NBPF15: variants seen among roughly 807,000 people sequenced by gnomAD.
NBPF15 encodes NBPF family member NBPF15.
In NBPF15, 74 loss-of-function variants were observed where a neutral mutation model predicts 62.2. The ratio of observed to expected loss-of-function variants is 1.19; its 90% confidence interval spans 0.99 to 1.44. The LOEUF (loss-of-function observed/expected upper bound fraction) is 1.44. Ranked by LOEUF, NBPF15 falls within the 40% of genes most tolerant of loss-of-function variation. The probability of loss-of-function intolerance (pLI) is 0.00; values close to 1 mark genes in which losing one functional copy is unlikely to be tolerated. For synonymous variants in NBPF15, 244 were observed against 209.7 expected, an observed-to-expected ratio of 1.16 and a Z score of -1.41; for missense variants, 790 against 550.0, an observed-to-expected ratio of 1.44 and a Z score of -4.36.
At chr1:144,451,357 G>A (rs1691005086) in intron 4 of NBPF15, among the ~76,000 whole-genome samples, 2 of 151,498 alleles carry the variant, frequency 1.3e-5, no homozygotes, top group Admixed American at 6.6e-5. Context: ...ATTGCCCAGG[G>A]ATGAGCAGGA....
chr1:144,452,286 A>C (rs9286337), intron 4 of NBPF15, among the ~76,000 whole-genome samples: 14,263 of 151,582 alleles, frequency 0.094, 1,848 homozygotes, highest in African/African-American at 0.29. Flanking sequence ...GGTTTGGTAA[A>C]AAATACCAGT....
At chr1:144,439,202 T>G (rs1192789666) in intron 8 of NBPF15, among the ~76,000 whole-genome samples, 1 of 132,186 alleles carries the variant, frequency 7.6e-6, no homozygotes, top group East Asian at 2.1e-4. Context: ...CAGGCTGGTC[T>G]CAAACTCCTG....
intron 3 of NBPF15, among the ~76,000 whole-genome samples, chr1:144,458,217 GTAAT>G (rs1649650471): frequency 6.6e-6 from 1 of 151,958 alleles, no homozygotes; most frequent in Admixed American, 6.6e-5. Context: ...AGTTTTCCTG[GTAAT>G]TAAGTATACC....
At position 144,459,684 on chromosome 1, in the gene NBPF15, C is replaced by T. The variant is rs587689890; in HGVS notation, c.-818-201G>A. Among the ~76,000 whole-genome samples, 29 of 151,802 alleles carry T rather than the reference C, an allele frequency of 1.9e-4. No homozygotes were observed. The East Asian group carries it at 5.2e-3, about 27-fold the overall frequency. On this transcript the variant is annotated intron_variant, in intron 2 of 21. Transcript: ENST00000581897. ...ATGAAAACTGGATAAAAAGATTTAA[C>T]AGGCACTTCACAAAAGAGGACACAC...
At chr1:144,431,387 C>A (rs1362959031) in intron 13 of NBPF15, among the ~76,000 whole-genome samples, 1 of 150,228 alleles carries the variant, frequency 6.7e-6, no homozygotes, top group Non-Finnish European at 1.5e-5. Flanking sequence ...TGGCACAAAC[C>A]CTACAAGCCA....
intron 6 of NBPF15, among the ~76,000 whole-genome samples, chr1:144,445,335 A>ATG (rs1352313391): frequency 2.8e-5 from 3 of 106,122 alleles, no homozygotes; most frequent in Admixed American, 9.0e-5. Context: ...AACGGTGAAT[A>ATG]TATATATATA....
chr1:144,433,337 C>A (rs1457544699), intron 13 of NBPF15, among the ~76,000 whole-genome samples: 1 of 151,964 alleles, frequency 6.6e-6, no homozygotes, highest in African/African-American at 2.4e-5. Flanking sequence ...TAAATGCCCA[C>A]AAGAGAAAGC....
At chr1:144,437,551 G>A (rs1228583193) in intron 9 of NBPF15, among the ~76,000 whole-genome samples, 341 of 150,860 alleles carry the variant, frequency 2.3e-3, no homozygotes, top group Non-Finnish European at 4.1e-3. Context: ...GGGTCGAGAA[G>A]GCAACATTGA....
intron 17 of NBPF15, among the ~76,000 whole-genome samples, 156 bp from the exon 18 acceptor site, chr1:144,426,606 C>G (rs1217720004): frequency 4.7e-5 from 7 of 150,314 alleles, no homozygotes; most frequent in South Asian, 4.2e-4. Flanking sequence ...TTGGGATAGA[C>G]CAGGGCCAGG....
intron 13 of NBPF15, among the ~76,000 whole-genome samples, chr1:144,432,456 C>G (rs1328061612): frequency 3.9e-5 from 6 of 152,064 alleles, no homozygotes; most frequent in African/African-American, 1.4e-4. Context: ...TCACACATAA[C>G]AATATTAACC....
intron 14 of NBPF15, among the ~76,000 whole-genome samples, chr1:144,429,017 TG>T (rs1254206171): frequency 2.0e-5 from 3 of 152,018 alleles, no homozygotes; most frequent in East Asian, 3.9e-4. Flanking sequence ...ACCCAGAATT[TG>T]ATAGTTTATG....
At chr1:144,457,918 T>A (rs1208460770) in intron 3 of NBPF15, among the ~76,000 whole-genome samples, 1 of 151,856 alleles carries the variant, frequency 6.6e-6, no homozygotes, top group Non-Finnish European at 1.5e-5. Context: ...AGGAAAACCC[T>A]GTCTACAAAA....
intron 6 of NBPF15, among the ~76,000 whole-genome samples, chr1:144,445,350 T>TAC (rs1388687484): frequency 3.5e-5 from 4 of 115,684 alleles, no homozygotes; most frequent in Admixed American, 8.1e-5. Flanking sequence ...TATATATATA[T>TAC]ATATACACAC....
intron 4 of NBPF15, among the ~76,000 whole-genome samples, chr1:144,451,158 G>T (rs1553545396): frequency 6.6e-6 from 1 of 151,576 alleles, no homozygotes; most frequent in Non-Finnish European, 1.5e-5. Context: ...GTAAACACGT[G>T]AACAAATGTC....
intron 4 of NBPF15, among the ~76,000 whole-genome samples, chr1:144,451,744 A>G: frequency 6.6e-6 from 1 of 151,510 alleles, no homozygotes; most frequent in Middle Eastern, 3.4e-3. Context: ...GGGTAGGGTT[A>G]CAGATTAACA....
intron 4 of NBPF15, among the ~76,000 whole-genome samples, chr1:144,455,876 T>C (rs1192021468): frequency 3.3e-5 from 5 of 151,962 alleles, no homozygotes; most frequent in African/African-American, 7.3e-5. Flanking sequence ...AGTCACCCCA[T>C]GAATGCTCAG....
intron 17 of NBPF15, 73 bp from the exon 18 acceptor site, chr1:144,426,523 G>T: frequency 3.9e-6 from 3 of 770,370 alleles, no homozygotes; most frequent in Non-Finnish European, 7.2e-6. Flanking sequence ...TAGATTTCAT[G>T]GCTAACATAA....
intron 6 of NBPF15, among the ~76,000 whole-genome samples, chr1:144,442,131 G>GTATATATATATATA (rs587604951): frequency 3.0e-5 from 1 of 33,130 alleles, no homozygotes; most frequent in Non-Finnish European, 5.2e-5. Context: ...ATATACACGT[G>GTATATATATATATA]TATATATATA....
chr1:144,455,754 G>T (rs587713756), intron 4 of NBPF15, among the ~76,000 whole-genome samples: 7 of 151,138 alleles, frequency 4.6e-5, no homozygotes, highest in South Asian at 2.1e-4. Flanking sequence ...AACAGGCCAT[G>T]CCCCTTTCTT....
Sources: gnomAD v4.1 joint callset for allele counts (sites outside exome capture counted in the v4.1 genomes callset) on GRCh38, gnomAD v4.1.1 for gene constraint, MANE v1.5 for transcripts, NCBI Gene and HGNC (gene_info 2026-07-23, HGNC 2026-07-21) for gene names.